ZNF26: variants seen among roughly 807,000 people sequenced by gnomAD.
The protein encoded by ZNF26 is epididymis luminal protein 179.
Under a neutral mutation model 54.9 loss-of-function variants are expected in ZNF26, and 32 were observed. The ratio of observed to expected loss-of-function variants is 0.58; its 90% CI spans 0.44 to 0.78. The LOEUF (loss-of-function observed/expected upper bound fraction) is 0.78, where lower values mean the gene tolerates loss of function less well. Ranked by LOEUF, ZNF26 falls within the 30% of genes least tolerant of loss-of-function variation. ZNF26 has a pLI of 0.00. For synonymous variants in ZNF26, 221 were observed against 209.2 expected, an observed-to-expected ratio of 1.06 and a Z score of -0.49; for missense variants, 524 against 634.0, an observed-to-expected ratio of 0.83 and a Z score of 1.86.
rs957581798 is a variant in ZNF26 at position 132,992,999 on chromosome 12, T to C, written c.33+6126T>C. On this transcript the variant is annotated intron_variant, in intron 1 of 3. Transcript: ENST00000328654. ...GCCCATCAAAGGCATTCTTCACTTC[T>C]GTACAGTGTTTTTGATCACTAGTAT... 9.2e-5 allele frequency among the ~76,000 whole-genome samples: 14 copies of C among 151,624 alleles called. No individual in the cohort carries two copies. The South Asian group carries it at 2.7e-3, about 29-fold the overall frequency.
At position 133,011,268 on chromosome 12, in the gene ZNF26, C is replaced by T; in HGVS notation, c.1389C>T (p.Tyr463=). 6.2e-7 allele frequency: 1 copy of T among 1,613,770 alleles called. No individual in the cohort carries two copies. ...AATGCAATGAATGTGAAAAAGCCTACCCTAGGAAGGCATCACTTCAGATAC... is the reference window on the plus strand; with the variant it reads ...AATGCAATGAATGTGAAAAAGCCTATCCTAGGAAGGCATCACTTCAGATAC... ...PYECNECEKA[Y]PRKASLQIHQ... The change falls in exon 4 of 4, where the codon TAC becomes TAT. Residue 463 remains tyrosine, a synonymous_variant. Transcript: ENST00000328654.
chr12:133,000,704 G>A (rs1953197019), intron 1 of ZNF26, among the ~76,000 whole-genome samples: 1 of 152,050 alleles, frequency 6.6e-6, no homozygotes, highest in Non-Finnish European at 1.5e-5. Flanking sequence ...GATTACAGGT[G>A]TGAGCCACTG....
intron 1 of ZNF26, among the ~76,000 whole-genome samples, chr12:132,992,646 T>C (rs1292508536): frequency 6.6e-6 from 1 of 152,192 alleles, no homozygotes; most frequent in Non-Finnish European, 1.5e-5. Context: ...CGACTTACAA[T>C]ATGTTCAACT....
intron 1 of ZNF26, among the ~76,000 whole-genome samples, chr12:132,989,325 C>T (rs964192671): frequency 8.5e-5 from 13 of 152,056 alleles, no homozygotes; most frequent in Non-Finnish European, 1.2e-4. Flanking sequence ...CATGAGCCAC[C>T]GTGCCGGGTC....
chr12:133,010,760 C>A lies in ZNF26; in HGVS notation c.881C>A (p.Ala294Asp), dbSNP rs916153722. 6.8e-6 allele frequency: 11 copies of A among 1,613,448 alleles called. No individual in the cohort carries two copies. Among genetic ancestry groups the A allele is most frequent in the Non-Finnish European group, 9.3e-6 (11 of 1,179,696 alleles). ...KPYECSECGKAFSLKSPFVVH... is the reference protein window; with the variant it reads ...KPYECSECGKDFSLKSPFVVH... ...TATGAATGCAGCGAATGTGGGAAAGCCTTTAGTTTGAAGTCTCCATTCGTT... is the reference window on the plus strand; with the variant it reads ...TATGAATGCAGCGAATGTGGGAAAGACTTTAGTTTGAAGTCTCCATTCGTT... Residue 294 changes from alanine (A) to aspartate (D), a missense_variant, in exon 4 of 4, where the codon GCC becomes GAC. Ala to Asp is a moderately radical substitution (Grantham distance 126). Coordinates refer to ENST00000328654, the MANE Select transcript of ZNF26 (RefSeq NM_019591.4).
In ZNF26 at chr12:132,986,889, C is replaced by T. The variant is rs1422685135; in HGVS notation, c.33+16C>T. On this transcript the variant is annotated intron_variant, in intron 1 of 3. Coordinates refer to ENST00000328654, the MANE Select transcript of ZNF26 (RefSeq NM_019591.4). Reference sequence around the variant, plus strand: ...TTCGTGCTGGGTAAGTAGAGACTTTCCGTGTTTAAAATTCGACTGGATACT... The same window carrying T: ...TTCGTGCTGGGTAAGTAGAGACTTTTCGTGTTTAAAATTCGACTGGATACT... 1 of 1,601,988 alleles carries T rather than the reference C, an allele frequency of 6.2e-7. No homozygotes were observed. Among genetic ancestry groups the T allele is most frequent in the East Asian group, 2.2e-5 (1 of 44,484 alleles).
intron 1 of ZNF26, among the ~76,000 whole-genome samples, chr12:132,989,889 T>C (rs1952910239): frequency 6.6e-6 from 1 of 152,228 alleles, no homozygotes; most frequent in Non-Finnish European, 1.5e-5. Context: ...ATGTTAGTTG[T>C]AGCATTTTTC....
At chr12:132,991,870 G>A (rs968869469) in intron 1 of ZNF26, among the ~76,000 whole-genome samples, 8 of 151,686 alleles carry the variant, frequency 5.3e-5, no homozygotes, top group East Asian at 3.9e-4. Flanking sequence ...ATCTGTGGCC[G>A]GGCCTGGCGG....
At chr12:133,006,780 A>T (rs963745297) in intron 1 of ZNF26, 7 of 353,992 alleles carry the variant, frequency 2.0e-5, no homozygotes, top group African/African-American at 1.5e-4. Context: ...TTTTTAGTAG[A>T]GACAGGGTTT....
intron 1 of ZNF26, among the ~76,000 whole-genome samples, chr12:132,987,513 A>G (rs1952850535): frequency 6.6e-6 from 1 of 152,158 alleles, no homozygotes; most frequent in Non-Finnish European, 1.5e-5. Context: ...TTTGATTGCC[A>G]AATCCTTTGC....
At chr12:133,008,302 C>T (rs1268985597) in intron 3 of ZNF26, among the ~76,000 whole-genome samples, 1 of 152,108 alleles carries the variant, frequency 6.6e-6, no homozygotes, top group African/African-American at 2.4e-5. Context: ...TCACAAGTTT[C>T]TTTCTTAGTG....
intron 1 of ZNF26, among the ~76,000 whole-genome samples, chr12:132,992,030 C>G (rs1397589982): frequency 6.6e-6 from 1 of 151,844 alleles, no homozygotes; most frequent in Non-Finnish European, 1.5e-5. Flanking sequence ...TGCCTGTAGG[C>G]CTGGCTACTT....
chr12:133,014,871 G>A lies in ZNF26; in HGVS notation c.*3390G>A, dbSNP rs1260118783. On this transcript the variant is annotated 3_prime_UTR_variant, in exon 4 of 4. Transcript: ENST00000328654. ...ATGATGATGGTTTTAAAAGTTAGCT[G>A]TAGCAGCTAAGGCAAGACCAGATCC... 1 of 152,074 alleles carries A rather than the reference G, an allele frequency of 6.6e-6. No homozygotes were observed. The highest frequency in any genetic ancestry group is 6.5e-5 in the Admixed American group (1 of 15,270). 9.4% of individuals were successfully genotyped at this position (152,074 alleles called of 1,614,324 possible). A position where few individuals can be genotyped will look rare whatever the true frequency, so the allele number is the denominator to read the frequency against.
At chr12:133,003,256 T>C (rs1490793357) in intron 1 of ZNF26, among the ~76,000 whole-genome samples, 2 of 144,638 alleles carry the variant, frequency 1.4e-5, no homozygotes, top group African/African-American at 5.4e-5. Context: ...AGTTCCCTTT[T>C]CTTTTTTTTT....
rs1363366568 is a variant in ZNF26 at position 133,011,093 on chromosome 12, A to G, written c.1214A>G (p.Lys405Arg). 8.7e-6 allele frequency: 14 copies of G among 1,614,058 alleles called. No homozygotes were observed. The African/African-American group carries it at 1.6e-4, about 18-fold the overall frequency. The change falls in exon 4 of 4, where the codon AAG (lysine) becomes AGG (arginine). Residue 405 changes from lysine to arginine, a missense_variant. Lys to Arg is a conservative substitution (Grantham distance 26). Coordinates refer to ENST00000328654, the MANE Select transcript of ZNF26 (RefSeq NM_019591.4). ...CCCTATGGATGCAGTGAATGTGGGA[A>G]GGCTTTCAGCAGCAAGTCATACCTT... ...EKPYGCSECG[K>R]AFSSKSYLVI... is the part of the protein sequence containing the mutation.
rs1454982264 is a variant in ZNF26, at chr12:133,020,445, TTATAA to T, written c.*8969_*8973del. On this transcript the variant is annotated 3_prime_UTR_variant, in exon 4 of 4. Transcript: ENST00000328654. ...TTAAAAATGGTAATGATGATAATAT[TTATAA>T]TATATTTACATTTTGTTTATATATT... 1 of 151,822 alleles carries T rather than the reference TTATAA, an allele frequency of 6.6e-6. No homozygotes were observed. Among genetic ancestry groups the T allele is most frequent in the African/African-American group, 2.4e-5 (1 of 41,402 alleles). 9.4% of individuals were successfully genotyped at this position (151,822 alleles called of 1,614,324 possible).
intron 2 of ZNF26, 69 bp from the exon 3 acceptor site, chr12:133,007,368 G>C: frequency 7.0e-7 from 1 of 1,419,782 alleles, no homozygotes; most frequent in Non-Finnish European, 9.7e-7. Flanking sequence ...GTTTTGCTCT[G>C]TAGCTCTTGA....
chr12:132,986,910 A>G (rs925731191), intron 1 of ZNF26, 37 bp downstream of exon 1: 9 of 1,587,522 alleles, frequency 5.7e-6, no homozygotes, highest in Admixed American at 5.4e-5. Context: ...ATTCGACTGG[A>G]TACTGAGGGT....
At chr12:133,008,497 C>G (rs1222520209) in intron 3 of ZNF26, among the ~76,000 whole-genome samples, 2 of 152,164 alleles carry the variant, frequency 1.3e-5, no homozygotes, top group African/African-American at 4.8e-5. Context: ...CTGAGACTGG[C>G]TGGGCACGGT....
Sources: gnomAD v4.1 joint callset for allele counts (sites outside exome capture counted in the v4.1 genomes callset) on GRCh38, gnomAD v4.1.1 for gene constraint, MANE v1.5 for transcripts, NCBI Gene and HGNC (gene_info 2026-07-23, HGNC 2026-07-21) for gene names.